Variants in ZNF805 observed in about 807,000 individuals in gnomAD.
The protein encoded by ZNF805 is CTC-444N24.8.
Under a neutral mutation model 13.6 loss-of-function variants are expected in ZNF805, and 7 were observed. The observed-to-expected ratio is 0.51, with a 90% CI of 0.29 to 0.97. The LOEUF is 0.97. ZNF805 is among the 50% of genes least tolerant of loss of function. ZNF805 has a pLI of 0.08. For missense variants in ZNF805, 604 were observed against 771.0 expected (o/e 0.78, Z 2.57); for synonymous variants, 293 against 279.8 (o/e 1.05, Z -0.47).
rs955150423 is a variant in ZNF805 at position 57,240,800 on chromosome 19, C to T, written c.-92C>T. ...TGACTGTCAGCCAAGGTCACCGGGC[C>T]CGGCGCAGGGAAGGGGTGGGGCTCG... On this transcript the variant is annotated 5_prime_UTR_variant, in exon 1 of 4. Transcript: ENST00000414468. 10 of 1,286,992 alleles carry T rather than the reference C, an allele frequency of 7.8e-6. No homozygotes were observed. In the African/African-American group the frequency reaches 1.5e-4, roughly 20 times the overall value. 79.7% of individuals were successfully genotyped at this position (1,286,992 alleles called of 1,614,324 possible). A position where few individuals can be genotyped will look rare whatever the true frequency, so the allele number is the denominator to read the frequency against.
In ZNF805 at chr19:57,259,723, G is replaced by A. The variant is rs2087712474; in HGVS notation, c.*5020G>A. On this transcript the variant is annotated 3_prime_UTR_variant, in exon 4 of 4. Transcript: ENST00000414468. Reference sequence around the variant, plus strand: ...GGGTTTCACTGTGTTAGCCAGGATGGTCTCGATTTCCTGATCTGGTGATCC... The same window carrying A: ...GGGTTTCACTGTGTTAGCCAGGATGATCTCGATTTCCTGATCTGGTGATCC... Among the ~76,000 whole-genome samples the A allele has an allele frequency of 1.3e-5, 2 of 152,118 alleles. No homozygotes were observed. The highest frequency in any genetic ancestry group is 2.9e-5 in the Non-Finnish European group (2 of 68,018).
chr19:57,253,342 C>A lies in ZNF805; in HGVS notation c.523C>A (p.Arg175=), dbSNP rs774920091. 8.8e-5 allele frequency: 139 copies of A among 1,571,814 alleles called. No homozygotes were observed. The highest frequency in any genetic ancestry group is 1.7e-4 in the Middle Eastern group (1 of 6,036). The change falls in exon 4 of 4, where the codon CGA becomes AGA. Residue 175 remains arginine (R), a synonymous_variant. Transcript: ENST00000414468. This position sits in a 1 kb window ranked among gnomAD's most constrained non-coding sequence, Gnocchi z 4.4. ...TGTGTGTTCAAGGATTATACAGGATCGAGTCTCCTTAGGAGATGATGTCCA... is the reference window on the plus strand; with the variant it reads ...TGTGTGTTCAAGGATTATACAGGATAGAGTCTCCTTAGGAGATGATGTCCA... ...DSVCSRIIQD[R]VSLGDDVHDC...
Position 57,240,711 on chromosome 19 carries a change from A to C in ZNF805, c.-181A>C. ...GGCGGCGCTGGGGAAATGAGCAGGT[A>C]GGAGGCCGACAGCGACCTCCGCGTC... On this transcript the variant is annotated 5_prime_UTR_variant, in exon 1 of 4. The change abolishes the stop of an existing upstream ORF in the 5' untranslated region. Coordinates refer to ENST00000414468, the MANE Select transcript of ZNF805 (RefSeq NM_001023563.4). 1.8e-6 allele frequency: 1 copy of C among 543,780 alleles called. No individual in the cohort carries two copies. The highest frequency in any genetic ancestry group is 2.7e-5 in the South Asian group (1 of 37,576). 33.7% of individuals were successfully genotyped at this position (543,780 alleles called of 1,614,324 possible).
intron 2 of ZNF805, among the ~76,000 whole-genome samples, chr19:57,244,872 G>A (rs1568487706): frequency 6.6e-6 from 1 of 152,156 alleles, no homozygotes; most frequent in Non-Finnish European, 1.5e-5. Flanking sequence ...GTTTGAGGCA[G>A]CAAATGCTGC....
chr19:57,241,135 A>C (rs778875831), intron 1 of ZNF805, among the ~76,000 whole-genome samples: 4 of 152,132 alleles, frequency 2.6e-5, no homozygotes, highest in Non-Finnish European at 5.9e-5. Context: ...TACATCGATT[A>C]TAGGGCTGTG....
In ZNF805 at chr19:57,260,150, T is replaced by A. The variant is rs565592213; in HGVS notation, c.*5447T>A. On this transcript the variant is annotated 3_prime_UTR_variant, in exon 4 of 4. Transcript: ENST00000414468. ...CCTTTTCTAAGATCACTCTTACACT[T>A]TTTTATTAGACACACACACACCCTT... Among the ~76,000 whole-genome samples, 3 of 152,318 alleles carry A rather than the reference T, an allele frequency of 2.0e-5. No homozygotes were observed. In the South Asian group the frequency reaches 6.2e-4, roughly 32 times the overall value.
At position 57,255,272 on chromosome 19, in the gene ZNF805, T is replaced by G. The variant is rs2122846001; in HGVS notation, c.*569T>G. On this transcript the variant is annotated 3_prime_UTR_variant, in exon 4 of 4. Transcript: ENST00000414468. ...GGTTTACTTGATTGCTATAGCTGTA[T>G]GGTAAATCTCAAAATTAGGTAATGT... The G allele has an allele frequency of 6.0e-6, 1 of 167,176 alleles. No individual in the cohort carries two copies. Among genetic ancestry groups the G allele is most frequent in the South Asian group, 2.1e-4 (1 of 4,832 alleles). The allele number at this position is 167,176 out of a possible 1,614,324, so 10.4% of individuals were successfully genotyped here.
At chr19:57,243,238 C>A (rs2087590464) in intron 1 of ZNF805, among the ~76,000 whole-genome samples, 1 of 152,082 alleles carries the variant, frequency 6.6e-6, no homozygotes, top group Admixed American at 6.6e-5. Flanking sequence ...ACAGAAAACA[C>A]AAAAGACTAG....
intron 2 of ZNF805, among the ~76,000 whole-genome samples, chr19:57,245,997 TTGA>T (rs1175586090): frequency 6.6e-6 from 1 of 152,170 alleles, no homozygotes; most frequent in East Asian, 1.9e-4. Context: ...TGAGAGACAC[TTGA>T]GGAAGTTGTT....
Position 57,259,632 on chromosome 19 carries a change from G to C in ZNF805, c.*4929G>C, listed in dbSNP as rs1011315408. On this transcript the variant is annotated 3_prime_UTR_variant, in exon 4 of 4. Coordinates refer to ENST00000414468, the MANE Select transcript of ZNF805 (RefSeq NM_001023563.4). Reference sequence around the variant, plus strand: ...TGCCATTCTCCTGCCTCAGCCTCCCGAGTAGCTGGGACTACAGGTGCCCGC... The same window carrying C: ...TGCCATTCTCCTGCCTCAGCCTCCCCAGTAGCTGGGACTACAGGTGCCCGC... 6.6e-6 allele frequency among the ~76,000 whole-genome samples: 1 copy of C among 151,942 alleles called. No individual in the cohort carries two copies. The highest frequency in any genetic ancestry group is 1.5e-5 in the Non-Finnish European group (1 of 67,984).
chr19:57,258,528 A>AT lies in ZNF805; in HGVS notation c.*3831dup, dbSNP rs35192209. Reference sequence around the variant, plus strand: ...TATATTTCTTTGTATTTTTGTATTAATTTTTTAGTGGTTGCTTTAAGTAGT... The same window carrying AT: ...TATATTTCTTTGTATTTTTGTATTAATTTTTTTAGTGGTTGCTTTAAGTAGT... On this transcript the variant is annotated 3_prime_UTR_variant, in exon 4 of 4. Coordinates refer to ENST00000414468, the MANE Select transcript of ZNF805 (RefSeq NM_001023563.4). 0.71 allele frequency among the ~76,000 whole-genome samples: 105,719 copies of AT among 148,554 alleles called. 38,491 individuals carry two copies. Among genetic ancestry groups the AT allele is most frequent in the African/African-American group, 0.81 (32,840 of 40,456 alleles).
chr19:57,245,647 CGGG>C, intron 2 of ZNF805, among the ~76,000 whole-genome samples: 1 of 149,262 alleles, frequency 6.7e-6, no homozygotes, highest in South Asian at 2.2e-4. Flanking sequence ...GGCGTGGTGG[CGGG>C]TGCCTGTAGT....
At position 57,251,559 on chromosome 19, in the gene ZNF805, T is replaced by G. The variant is rs2087652321; in HGVS notation, c.254-1514T>G. ...TTGCTGCCGGTATATTCTTCTAGTT[T>G]TTAATTTTGTCCTTCCACTCTTTTT... On this transcript the variant is annotated intron_variant, in intron 3 of 3. Transcript: ENST00000414468. 2.0e-5 allele frequency among the ~76,000 whole-genome samples: 3 copies of G among 152,244 alleles called. No homozygotes were observed. The South Asian group carries it at 6.2e-4, about 31-fold the overall frequency.
At chr19:57,251,104 G>C (rs1357550463) in intron 3 of ZNF805, among the ~76,000 whole-genome samples, 1 of 152,134 alleles carries the variant, frequency 6.6e-6, no homozygotes, top group Non-Finnish European at 1.5e-5. Flanking sequence ...TATGTATGTT[G>C]TTCATCTTTC....
At chr19:57,242,701 A>G (rs973320840) in intron 1 of ZNF805, among the ~76,000 whole-genome samples, 1 of 152,196 alleles carries the variant, frequency 6.6e-6, no homozygotes, top group African/African-American at 2.4e-5. Flanking sequence ...CTCGTCAGGC[A>G]TTTGGTACTT....
chr19:57,245,731 A>G (rs984915270), intron 2 of ZNF805, among the ~76,000 whole-genome samples: 5 of 151,448 alleles, frequency 3.3e-5, no homozygotes, highest in Non-Finnish European at 7.4e-5. Context: ...GTGAGCTGAG[A>G]TTGCACCACT....
intron 3 of ZNF805, among the ~76,000 whole-genome samples, chr19:57,251,116 CAT>C (rs1464286720): frequency 6.6e-6 from 1 of 152,156 alleles, no homozygotes; most frequent in Admixed American, 6.5e-5. Context: ...TCATCTTTCA[CAT>C]GTGTAGGGAC....
At chr19:57,245,659 G>A (rs919397179) in intron 2 of ZNF805, among the ~76,000 whole-genome samples, 4 of 150,540 alleles carry the variant, frequency 2.7e-5, no homozygotes, top group South Asian at 2.1e-4. Flanking sequence ...GGTGCCTGTA[G>A]TCCCAGCTAC....
At chr19:57,251,792 A>T (rs546700565) in intron 3 of ZNF805, among the ~76,000 whole-genome samples, 2 of 152,326 alleles carry the variant, frequency 1.3e-5, no homozygotes, top group South Asian at 4.1e-4. Context: ...TGAGTATAGA[A>T]TGTGATAGAA....
Sources: gnomAD v4.1 joint callset for allele counts (sites outside exome capture counted in the v4.1 genomes callset) on GRCh38, gnomAD v4.1.1 for gene constraint, Gnocchi (gnomAD v3.1) non-coding constraint, MANE v1.5 for transcripts, NCBI Gene and HGNC (gene_info 2026-07-23, HGNC 2026-07-21) for gene names.